Variants in XYLT1 observed in about 807,000 individuals in gnomAD.
XYLT1 encodes beta-D-xylosyltransferase 1.
In XYLT1, 36 loss-of-function variants were observed where a neutral mutation model predicts 91.3. The observed-to-expected ratio is 0.39, with a 90% CI of 0.30 to 0.52. The LOEUF is 0.52. Ranked by LOEUF, XYLT1 falls within the 20% of genes least tolerant of loss-of-function variation. The pLI is 0.68. For synonymous variants in XYLT1, 588 were observed against 532.0 expected, an observed-to-expected ratio of 1.11 and a Z score of -1.45; for missense variants, 1,242 against 1,284.5, an observed-to-expected ratio of 0.97 and a Z score of 0.51.
intron 1 of XYLT1, among the ~76,000 whole-genome samples, chr16:17,447,433 C>G (rs974942131): frequency 3.9e-5 from 6 of 152,194 alleles, no homozygotes; most frequent in African/African-American, 1.4e-4. Flanking sequence ...GGGACAAATC[C>G]CACATTATTT....
chr16:17,335,081 C>T (rs1292057882), intron 2 of XYLT1, among the ~76,000 whole-genome samples: 3 of 151,752 alleles, frequency 2.0e-5, no homozygotes, highest in South Asian at 2.1e-4. Context: ...AAAAATCAGC[C>T]GGGCATGGTG....
chr16:17,254,759 A>G (rs1283231815), intron 3 of XYLT1, among the ~76,000 whole-genome samples: 3 of 152,180 alleles, frequency 2.0e-5, no homozygotes, highest in African/African-American at 4.8e-5. Flanking sequence ...GTGTTTATCA[A>G]CTGTTTATGT....
intron 1 of XYLT1, among the ~76,000 whole-genome samples, chr16:17,409,096 GCCA>G (rs146243096): frequency 0.19 from 28,504 of 151,996 alleles, 2,932 homozygotes; most frequent in Admixed American, 0.29. Flanking sequence ...CTTTTTCAGA[GCCA>G]CCACCTTCTA....
intron 2 of XYLT1, among the ~76,000 whole-genome samples, chr16:17,280,305 G>C (rs184578862): frequency 2.0e-5 from 3 of 152,314 alleles, no homozygotes; most frequent in South Asian, 4.1e-4. Context: ...AGCCAAGATC[G>C]TGCCACTGCA....
At chr16:17,240,645 A>T (rs2033331704) in intron 3 of XYLT1, among the ~76,000 whole-genome samples, 1 of 152,186 alleles carries the variant, frequency 6.6e-6, no homozygotes, top group South Asian at 2.1e-4. Context: ...GCTCTTCGGG[A>T]CCAAGCCTGA....
At chr16:17,328,284 A>G (rs367753287) in intron 2 of XYLT1, among the ~76,000 whole-genome samples, 3 of 152,080 alleles carry the variant, frequency 2.0e-5, no homozygotes, top group Admixed American at 2.0e-4. Context: ...CAGTGGCTCA[A>G]ACCTGTAATG....
At chr16:17,143,876 A>G (rs1232692771) in intron 6 of XYLT1, among the ~76,000 whole-genome samples, 1 of 149,206 alleles carries the variant, frequency 6.7e-6, no homozygotes, top group Non-Finnish European at 1.5e-5. Context: ...CATTATCACC[A>G]CTGTCATCAC....
chr16:17,207,543 G>A (rs1274513654), intron 3 of XYLT1, among the ~76,000 whole-genome samples: 1 of 152,196 alleles, frequency 6.6e-6, no homozygotes, highest in Non-Finnish European at 1.5e-5. Flanking sequence ...ACAGGGTCCC[G>A]GTGGTGGGGA....
rs150360725 is a variant in XYLT1, at chr16:17,367,448, G to A, written c.364-9398C>T. ...AATTAGCTTTTCCCAGGCACAGGCC[G>A]CAGCACCTATCAATTTTGCACCCAC... On this transcript the variant is annotated intron_variant, in intron 1 of 11. Transcript: ENST00000261381. 6.2e-3 allele frequency among the ~76,000 whole-genome samples: 943 copies of A among 152,312 alleles called. 2 individuals are homozygous for A. The highest frequency in any genetic ancestry group is 0.01 in the Non-Finnish European group (705 of 68,026).
intron 6 of XYLT1, among the ~76,000 whole-genome samples, chr16:17,142,431 ATTTTT>A (rs71137975): frequency 2.4e-5 from 3 of 122,746 alleles, no homozygotes; most frequent in Admixed American, 8.9e-5. Context: ...AAATCCTGTA[ATTTTT>A]TTTTTTTTTT....
chr16:17,138,998 G>C (rs148498065), intron 7 of XYLT1, among the ~76,000 whole-genome samples: 1 of 152,222 alleles, frequency 6.6e-6, no homozygotes, highest in Admixed American at 6.5e-5. Context: ...TCGCCAGACG[G>C]CAACATAGGG....
At chr16:17,309,092 G>T (rs1376170552) in intron 2 of XYLT1, among the ~76,000 whole-genome samples, 2 of 152,182 alleles carry the variant, frequency 1.3e-5, no homozygotes, top group African/African-American at 4.8e-5. Context: ...AGTAGGAGAG[G>T]TGGAAAGGCG....
Position 17,359,337 on chromosome 16 carries a change from G to T in XYLT1, c.364-1287C>A, listed in dbSNP as rs1181334427. 2.6e-5 allele frequency among the ~76,000 whole-genome samples: 4 copies of T among 152,182 alleles called. No homozygotes were observed. The East Asian group carries it at 7.7e-4, about 29-fold the overall frequency. Reference sequence around the variant, plus strand: ...ACCAGCCCATTGTCCCATACTGTGAGCAAGAAGGAAATGCAGGGAAATTGG... The same window carrying T: ...ACCAGCCCATTGTCCCATACTGTGATCAAGAAGGAAATGCAGGGAAATTGG... On this transcript the variant is annotated intron_variant, in intron 1 of 11. Transcript: ENST00000261381.
chr16:17,400,006 ACTT>A (rs1205098864), intron 1 of XYLT1, among the ~76,000 whole-genome samples: 1 of 152,224 alleles, frequency 6.6e-6, no homozygotes, highest in African/African-American at 2.4e-5. Flanking sequence ...CAGCCAGCGG[ACTT>A]CTTCTCCAAC....
In XYLT1 at chr16:17,107,076, C is replaced by T. The variant is rs1966787308; in HGVS notation, c.*1619G>A. On this transcript the variant is annotated 3_prime_UTR_variant, in exon 12 of 12. Coordinates refer to ENST00000261381, the MANE Select transcript of XYLT1 (RefSeq NM_022166.4). ...AATTGACAAGCTGCAAAAACAGCAC[C>T]TACTAATTAGTCATCGACTAAAACA... 1 of 152,102 alleles carries T rather than the reference C, an allele frequency of 6.6e-6. No individual in the cohort carries two copies. The highest frequency in any genetic ancestry group is 2.4e-5 in the African/African-American group (1 of 41,410). The allele number at this position is 152,102 out of a possible 1,614,324, so 9.4% of individuals were successfully genotyped here. A position where few individuals can be genotyped will look rare whatever the true frequency, so the allele number is the denominator to read the frequency against.
At chr16:17,439,640 G>A (rs1045075429) in intron 1 of XYLT1, among the ~76,000 whole-genome samples, 17 of 152,150 alleles carry the variant, frequency 1.1e-4, no homozygotes, top group African/African-American at 2.9e-4. Flanking sequence ...GTTGTAATCC[G>A]GCTAGAAAAC....
chr16:17,373,709 G>A (rs1290401901), intron 1 of XYLT1, among the ~76,000 whole-genome samples: 1 of 152,192 alleles, frequency 6.6e-6, no homozygotes, highest in African/African-American at 2.4e-5. Flanking sequence ...ATTTACAGAT[G>A]AGGGACCTGG....
intron 7 of XYLT1, 97 bp from the exon 8 acceptor site, chr16:17,138,628 A>G: frequency 1.4e-6 from 2 of 1,420,678 alleles, no homozygotes; most frequent in Non-Finnish European, 9.7e-7. Context: ...AGTTCATGTA[A>G]GAACTGGTTG....
intron 2 of XYLT1, among the ~76,000 whole-genome samples, 170 bp downstream of exon 2, chr16:17,357,842 G>A (rs1317094353): frequency 3.9e-5 from 6 of 152,212 alleles, no homozygotes; most frequent in South Asian, 4.1e-4. Context: ...TTGCACACAC[G>A]TGTACACTAT....
Sources: gnomAD v4.1 joint callset for allele counts (sites outside exome capture counted in the v4.1 genomes callset) on GRCh38, gnomAD v4.1.1 for gene constraint, MANE v1.5 for transcripts, NCBI Gene and HGNC (gene_info 2026-07-23, HGNC 2026-07-21) for gene names.